Variants in GLIS3 observed in about 807,000 individuals in gnomAD.
GLIS3 encodes the protein GLIS family zinc finger 3, also known as zinc finger protein GLIS3.
In GLIS3, 53 loss-of-function variants were observed where a neutral mutation model predicts 78.6. That is an observed-to-expected ratio of 0.67 (90% confidence interval 0.54 to 0.85). The LOEUF is 0.85. GLIS3 is among the 40% of genes least tolerant of loss of function. The pLI is 0.00. For synonymous variants in GLIS3, 684 were observed against 509.9 expected, an observed-to-expected ratio of 1.34 and a Z score of -4.60; for missense variants, 1,703 against 1,231.1, an observed-to-expected ratio of 1.38 and a Z score of -5.74.
chr9:4,326,644 T>C (rs929561441), intron 2 of GLIS3, among the ~76,000 whole-genome samples: 1 of 152,110 alleles, frequency 6.6e-6, no homozygotes, highest in African/African-American at 2.4e-5. Flanking sequence ...AACGTGAATG[T>C]TCTTAACGTC....
At chr9:4,183,357 T>A (rs899040851) in intron 2 of GLIS3, among the ~76,000 whole-genome samples, 1 of 152,226 alleles carries the variant, frequency 6.6e-6, no homozygotes, top group Non-Finnish European at 1.5e-5. Context: ...CACATTCCTA[T>A]ACCCAGATGT....
At chr9:4,447,507 T>C in the GLIS3 span, among the ~76,000 whole-genome samples, 1 of 152,170 alleles carries the variant, frequency 6.6e-6, no homozygotes, top group African/African-American at 2.4e-5. Context: ...TCTTATTTCA[T>C]TTATCCCATA....
In GLIS3 at chr9:3,896,850, C is replaced by G. The variant is rs376362206; in HGVS notation, c.2128+1841G>C. Among the ~76,000 whole-genome samples the G allele has an allele frequency of 1.6e-4, 24 of 152,174 alleles. No individual in the cohort carries two copies. The East Asian group carries it at 3.7e-3, about 23-fold the overall frequency. On this transcript the variant is annotated intron_variant, in intron 7 of 10. Transcript: ENST00000381971. ...CTGATGGCTGGAGCAACTTAGGTAT[C>G]CTTGCCCCTTAGGAGGCAAACCTAC... is the stretch of plus-strand genomic sequence containing the variant.
chr9:4,193,944 A>G (rs1369098299), intron 2 of GLIS3, among the ~76,000 whole-genome samples: 1 of 152,236 alleles, frequency 6.6e-6, no homozygotes, highest in East Asian at 1.9e-4. Flanking sequence ...TAACAACCAG[A>G]TGTTGTGGTT....
intron 8 of GLIS3, chr9:3,875,657 T>C (rs1466166201): frequency 6.6e-6 from 1 of 152,200 alleles, no homozygotes; most frequent in Non-Finnish European, 1.5e-5. Flanking sequence ...TGCTGGACAC[T>C]AACGCAAACC....
At chr9:3,900,671 A>G (rs778904884) in intron 6 of GLIS3, among the ~76,000 whole-genome samples, 1 of 152,184 alleles carries the variant, frequency 6.6e-6, no homozygotes, top group Non-Finnish European at 1.5e-5. Flanking sequence ...AGCAAAACTC[A>G]AAGTTTTATA....
chr9:3,965,194 T>C (rs1360995762), intron 4 of GLIS3, among the ~76,000 whole-genome samples: 1 of 84,298 alleles, frequency 1.2e-5, no homozygotes, highest in African/African-American at 4.0e-5. Flanking sequence ...TTTTCTTTTC[T>C]TTTTTTTTTT....
chr9:3,859,147 G>T (rs1447439774), intron 8 of GLIS3, among the ~76,000 whole-genome samples: 2 of 152,140 alleles, frequency 1.3e-5, no homozygotes, highest in African/African-American at 4.8e-5. Flanking sequence ...CAAGAGAGAT[G>T]CCAGGAGAGT....
rs543678673 is a variant in GLIS3 at position 4,203,789 on chromosome 9, A to G, written c.389-77848T>C. The stretch of plus-strand genomic sequence containing the variant: ...TAGTACACAGCCATAAAAAAGAACA[A>G]AATCATGTCTTTTACAGCAACATGG... On this transcript the variant is annotated intron_variant, in intron 2 of 10. Coordinates refer to ENST00000381971, the MANE Select transcript of GLIS3 (RefSeq NM_001042413.2). 3.3e-5 allele frequency among the ~76,000 whole-genome samples: 5 copies of G among 152,328 alleles called. No individual in the cohort carries two copies. The South Asian group carries it at 1.0e-3, about 32-fold the overall frequency.
chr9:4,389,905 C>T, the GLIS3 span, among the ~76,000 whole-genome samples: 309 of 152,276 alleles, frequency 2.0e-3, 1 homozygote, highest in African/African-American at 6.8e-3. Context: ...GTGGCAGATA[C>T]GTAAGAAGCA....
At chr9:4,278,326 G>A (rs2130251611) in intron 2 of GLIS3, among the ~76,000 whole-genome samples, 1 of 152,304 alleles carries the variant, frequency 6.6e-6, no homozygotes, top group East Asian at 1.9e-4. Context: ...AGAGGGACTT[G>A]AGCTTCTTGG....
At chr9:3,915,841 A>C (rs1278356259) in intron 6 of GLIS3, among the ~76,000 whole-genome samples, 1 of 152,234 alleles carries the variant, frequency 6.6e-6, no homozygotes, top group Non-Finnish European at 1.5e-5. Flanking sequence ...TTTATCAAAG[A>C]AATACTCTCG....
intron 4 of GLIS3, among the ~76,000 whole-genome samples, chr9:4,069,406 G>T (rs1485540021): frequency 6.6e-6 from 1 of 152,174 alleles, no homozygotes; most frequent in Non-Finnish European, 1.5e-5. Context: ...GAGAGAGCAA[G>T]ATTGGAGATA....
chr9:3,848,416 C>T (rs1380187480), intron 9 of GLIS3, among the ~76,000 whole-genome samples: 4 of 152,184 alleles, frequency 2.6e-5, no homozygotes, highest in African/African-American at 4.8e-5. Context: ...GCAGGAGAAT[C>T]GCTTGAATCC....
chr9:4,178,471 T>C (rs948765580), intron 2 of GLIS3, among the ~76,000 whole-genome samples: 5 of 152,118 alleles, frequency 3.3e-5, no homozygotes, highest in South Asian at 2.1e-4. Flanking sequence ...ACTAGAAAAA[T>C]CTGCAGCTAG....
chr9:4,405,857 A>G, the GLIS3 span, among the ~76,000 whole-genome samples: 1 of 152,326 alleles, frequency 6.6e-6, no homozygotes, highest in African/African-American at 2.4e-5. Flanking sequence ...AATACATTAA[A>G]AAGATCATTC....
the GLIS3 span, among the ~76,000 whole-genome samples, chr9:4,380,861 A>C: frequency 6.6e-6 from 1 of 152,226 alleles, no homozygotes; most frequent in Non-Finnish European, 1.5e-5. Flanking sequence ...ACTCCCTGCA[A>C]TGTCTTATCT....
intron 9 of GLIS3, chr9:3,855,674 T>C (rs1215824518): frequency 2.7e-6 from 1 of 363,966 alleles, no homozygotes; most frequent in Non-Finnish European, 5.3e-6. Context: ...AGAGGCATGC[T>C]TGGGCACAAG....
At chr9:4,377,193 T>C in the GLIS3 span, among the ~76,000 whole-genome samples, 3 of 134,860 alleles carry the variant, frequency 2.2e-5, no homozygotes, top group Non-Finnish European at 5.0e-5. Context: ...GTCAGAGGAC[T>C]GGTAGAGGAA....
Sources: allele counts gnomAD v4.1 joint callset (sites outside exome capture counted in the v4.1 genomes callset), GRCh38; gene constraint gnomAD v4.1.1; transcripts MANE v1.5; gene names NCBI Gene and HGNC (gene_info 2026-07-23, HGNC 2026-07-21).